SPOCD1: variants seen among roughly 807,000 people sequenced by gnomAD.
SPOCD1 encodes the protein SPOC domain containing 1, also known as SPOC domain-containing protein 1.
SPOCD1 carries 64 observed loss-of-function variants against 92.2 expected under a neutral mutation model. The observed-to-expected ratio is 0.69, with a 90% CI of 0.57 to 0.86. The LOEUF is 0.86. Among genes scored for constraint, SPOCD1 ranks in the 40% least tolerant of loss-of-function variants. SPOCD1 has a pLI of 0.00. For synonymous variants in SPOCD1, 578 were observed against 619.3 expected, an observed-to-expected ratio of 0.93 and a Z score of 0.99; for missense variants, 1,360 against 1,543.1, an observed-to-expected ratio of 0.88 and a Z score of 1.99.
At position 31,798,335 on chromosome 1, in the gene SPOCD1, AG is replaced by A; in HGVS notation, c.2029-13del. The stretch of plus-strand genomic sequence containing the variant: ...TTGAGAAACAAGTCCTGGTGGGGGC[AG>A]GGGGCAGGGCTGCACCACACGCTGA... On this transcript the variant is annotated splice_polypyrimidine_tract_variant and intron_variant, in intron 8 of 15. Transcript: ENST00000360482. This position sits in a 1 kb window ranked among gnomAD's most constrained non-coding sequence, Gnocchi z 4.1. The A allele has an allele frequency of 6.2e-7, 1 of 1,608,868 alleles. No homozygotes were observed. Among genetic ancestry groups the A allele is most frequent in the Non-Finnish European group, 8.5e-7 (1 of 1,176,476 alleles).
At chr1:31,792,432 C>T (rs778138193) in intron 14 of SPOCD1, 31 bp from the exon 15 acceptor site, 29 of 1,604,092 alleles carry the variant, frequency 1.8e-5, no homozygotes, top group East Asian at 2.2e-5. Context: ...CAGCTGTAAG[C>T]GCAGTCATCC....
At chr1:31,793,694 G>T in intron 12 of SPOCD1, 53 bp downstream of exon 12, 1 of 1,611,424 alleles carries the variant, frequency 6.2e-7, no homozygotes, top group South Asian at 1.1e-5. Context: ...CCAGGTGGTG[G>T]CCTCCCCCTC....
At position 31,793,374 on chromosome 1, in the gene SPOCD1, G is replaced by A; in HGVS notation, c.2589C>T (p.Cys863=). The A allele has an allele frequency of 6.3e-7, 1 of 1,591,888 alleles. No individual in the cohort carries two copies. Among genetic ancestry groups the A allele is most frequent in the Non-Finnish European group, 8.6e-7 (1 of 1,169,124 alleles). The change falls in exon 13 of 16, where the codon TGC becomes TGT. Residue 863 remains cysteine, a synonymous_variant. Coordinates refer to ENST00000360482, the MANE Select transcript of SPOCD1 (RefSeq NM_144569.7). Reference sequence around the variant, plus strand: ...CCAGAACACCTTCCCAGGGTGGCAGGCAGGGCAGGGCCTTTGTGGGTGCAG... The same window carrying A: ...CCAGAACACCTTCCCAGGGTGGCAGACAGGGCAGGGCCTTTGTGGGTGCAG... The part of the protein sequence containing the change: ...VPAAPTKALP[C]LPPWEGVLDM...
At position 31,790,497 on chromosome 1, in the gene SPOCD1, A is replaced by C; in HGVS notation, c.*106T>G. ...GTCAAACAGGAAGTTCAAACAGGGC[A>C]GGTGGGTAGGGCTGACCATCCTCTC... On this transcript the variant is annotated 3_prime_UTR_variant, in exon 16 of 16. Coordinates refer to ENST00000360482, the MANE Select transcript of SPOCD1 (RefSeq NM_144569.7). 1 of 986,632 alleles carries C rather than the reference A, an allele frequency of 1.0e-6. No individual in the cohort carries two copies. The highest frequency in any genetic ancestry group is 1.5e-6 in the Non-Finnish European group (1 of 673,990). The allele number at this position is 986,632 out of a possible 1,614,324, so 61.1% of individuals were successfully genotyped here.
intron 2 of SPOCD1, among the ~76,000 whole-genome samples, chr1:31,808,868 A>G (rs1389630650): frequency 6.6e-6 from 1 of 151,800 alleles, no homozygotes; most frequent in Non-Finnish European, 1.5e-5. Flanking sequence ...GTGTTTTTAC[A>G]TGGGAGAAAG....
intron 2 of SPOCD1, among the ~76,000 whole-genome samples, chr1:31,810,094 G>A (rs561562275): frequency 1.3e-5 from 2 of 151,878 alleles, no homozygotes; most frequent in Admixed American, 6.6e-5. Flanking sequence ...CTCCCCTCTG[G>A]ACATCCACAG....
At chr1:31,793,649 G>A (rs748325567) in intron 12 of SPOCD1, 98 bp downstream of exon 12, 73 of 1,598,246 alleles carry the variant, frequency 4.6e-5, no homozygotes, top group Non-Finnish European at 5.7e-5. Context: ...CTTGCCCAAG[G>A]CCACACAGGA....
chr1:31,796,833 CT>C, intron 9 of SPOCD1, 118 bp from the exon 10 acceptor site: 1 of 1,432,018 alleles, frequency 7.0e-7, no homozygotes, highest in Non-Finnish European at 9.6e-7. Flanking sequence ...CTCCTCAAAA[CT>C]TTTACTTCCG....
Position 31,814,261 on chromosome 1 carries a change from G to A in SPOCD1, c.1073C>T (p.Ala358Val). Residue 358 changes from alanine to valine, a missense_variant, in exon 2 of 16, where the codon GCA becomes GTA. Around this residue, in one of 3 missense-constraint regions of SPOCD1, gnomAD observed 606 missense variants for 601.5 expected, o/e 1.01. Coordinates refer to ENST00000360482, the MANE Select transcript of SPOCD1 (RefSeq NM_144569.7). This position sits in a 1 kb window ranked among gnomAD's most constrained non-coding sequence, Gnocchi z 4.2. ...RTGSDEGQAP[A>V]QDQEELEAKA... ...GGCCTCCAGCTCCTCCTGGTCCTGTGCTGGAGCCTGGCCTTCATCGCTGCC... is the reference window on the plus strand; with the variant it reads ...GGCCTCCAGCTCCTCCTGGTCCTGTACTGGAGCCTGGCCTTCATCGCTGCC... The A allele has an allele frequency of 6.3e-7, 1 of 1,583,170 alleles. No homozygotes were observed. Among genetic ancestry groups the A allele is most frequent in the Non-Finnish European group, 8.6e-7 (1 of 1,163,078 alleles).
At position 31,815,019 on chromosome 1, in the gene SPOCD1, G is replaced by A. The variant is rs1649465954; in HGVS notation, c.315C>T (p.Pro105=). The change falls in exon 2 of 16, where the codon CCC becomes CCT. Residue 105 remains proline (P), a synonymous_variant. Transcript: ENST00000360482. The stretch of plus-strand genomic sequence containing the variant: ...GAGCTCTCCCCTGAGTAGGCACCGA[G>A]GGCAGCTGCATGTGGAGCCCAGGAG... ...MLAPGLHMQL[P]SVPTQGRALT... is the part of the protein sequence containing the mutation. 3.7e-6 allele frequency: 6 copies of A among 1,613,714 alleles called. No individual in the cohort carries two copies. The highest frequency in any genetic ancestry group is 1.3e-5 in the African/African-American group (1 of 74,920).
intron 2 of SPOCD1, among the ~76,000 whole-genome samples, chr1:31,808,744 T>A (rs1649006114): frequency 6.6e-6 from 1 of 151,414 alleles, no homozygotes. Context: ...GGAAAGGAAA[T>A]AACAAAAACT....
intron 10 of SPOCD1, chr1:31,795,258 C>T (rs984572329): frequency 6.6e-6 from 1 of 152,230 alleles, no homozygotes; most frequent in African/African-American, 2.4e-5. Context: ...TGAAACTCTA[C>T]TCTTATCAGC....
chr1:31,811,643 C>A (rs985853472), intron 2 of SPOCD1, among the ~76,000 whole-genome samples: 2 of 152,200 alleles, frequency 1.3e-5, no homozygotes, highest in African/African-American at 4.8e-5. Context: ...GGGGAAGGTG[C>A]TAAGGCCCTA....
Position 31,791,161 on chromosome 1 carries a change from C to T in SPOCD1, c.3093G>A (p.Gly1031=), listed in dbSNP as rs151273356. 6.8e-5 allele frequency: 110 copies of T among 1,613,000 alleles called. No homozygotes were observed. In the African/African-American group the frequency reaches 1.3e-3, roughly 19 times the overall value. The change falls in exon 16 of 16, where the codon GGG becomes GGA. Residue 1031 remains glycine, a synonymous_variant. Transcript: ENST00000360482. The part of the protein sequence containing the change: ...PDTAGSSPWL[G]KVQKMVSFNS... ...TGAAGGAGACCATCTTTTGAACCTT[C>T]CCCAACCAGGGGCTGGACCCTGCTG... is the stretch of plus-strand genomic sequence containing the variant.
Position 31,800,662 on chromosome 1 carries a change from G to A in SPOCD1, c.1426-45C>T, listed in dbSNP as rs770826296. ...TCAGAAGCAAGCGGGGCCAGCCGCT[G>A]TCCCCGCCTTCAGAGTGCTCGCCTC... is the stretch of plus-strand genomic sequence containing the variant. On this transcript the variant is annotated intron_variant, in intron 3 of 15. Transcript: ENST00000360482. The A allele has an allele frequency of 4.0e-6, 6 of 1,515,894 alleles. No individual in the cohort carries two copies. In the African/African-American group the frequency reaches 8.2e-5, roughly 21 times the overall value. 93.9% of individuals were successfully genotyped at this position (1,515,894 alleles called of 1,614,324 possible). A position where few individuals can be genotyped will look rare whatever the true frequency, so the allele number is the denominator to read the frequency against.
chr1:31,799,894 T>C, intron 5 of SPOCD1, 31 bp from the exon 6 acceptor site: 1 of 1,614,082 alleles, frequency 6.2e-7, no homozygotes, highest in Non-Finnish European at 8.5e-7. Flanking sequence ...ATTGAGGCTG[T>C]GCTGGTGGGC....
At position 31,790,725 on chromosome 1, in the gene SPOCD1, G is replaced by A. The variant is rs951960460; in HGVS notation, c.3529C>T (p.Arg1177Cys). The A allele has an allele frequency of 7.7e-6, 12 of 1,551,874 alleles. No individual in the cohort carries two copies. The highest frequency in any genetic ancestry group is 1.4e-5 in the African/African-American group (1 of 73,092). ...LCPQTKSSIP[R>C]PLQRLSSALA... is the part of the protein sequence containing the mutation. ...GCGCTAGACAAACGCTGCAGAGGGCGGGGGATGGAGCTCTTGGTCTGGGGG... is the reference window on the plus strand; with the variant it reads ...GCGCTAGACAAACGCTGCAGAGGGCAGGGGATGGAGCTCTTGGTCTGGGGG... The change falls in exon 16 of 16, where the codon CGC becomes TGC. Residue 1177 changes from arginine (R) to cysteine (C), a missense_variant. By Grantham distance (180) the Arg-to-Cys change is radical. Around this residue, in one of 3 missense-constraint regions of SPOCD1, gnomAD observed 614 missense variants for 757.8 expected, o/e 0.81. Transcript: ENST00000360482.
At chr1:31,811,168 T>C (rs1404902345) in intron 2 of SPOCD1, among the ~76,000 whole-genome samples, 2 of 152,218 alleles carry the variant, frequency 1.3e-5, no homozygotes, top group Non-Finnish European at 2.9e-5. Context: ...GAGACATTTC[T>C]AAATGTCTAA....
At chr1:31,799,618 A>G (rs573483450) in intron 6 of SPOCD1, 133 bp from the exon 7 acceptor site, 3 of 1,076,498 alleles carry the variant, frequency 2.8e-6, no homozygotes, top group Non-Finnish European at 4.1e-6. Flanking sequence ...CCCTCTATCC[A>G]TCTGGGAGCC....
Sources: allele counts gnomAD v4.1 joint callset (sites outside exome capture counted in the v4.1 genomes callset), GRCh38; gene constraint gnomAD v4.1.1; regional missense constraint gnomAD v4.1.1; non-coding constraint Gnocchi (gnomAD v3.1); transcripts MANE v1.5; gene names NCBI Gene and HGNC (gene_info 2026-07-23, HGNC 2026-07-21).